The following ADGRL3 variants were observed in gnomAD, a reference collection of about 807,000 sequenced individuals.
The protein encoded by ADGRL3 is adhesion G protein-coupled receptor L3, also known as calcium-independent alpha-latrotoxin receptor 3.
In ADGRL3, 62 loss-of-function variants were observed where a neutral mutation model predicts 153.5. That is an observed-to-expected ratio of 0.40 (90% CI 0.33 to 0.50). ADGRL3 has a LOEUF of 0.50. Ranked by LOEUF, ADGRL3 falls within the 20% of genes least tolerant of loss-of-function variation. ADGRL3 has a pLI of 0.47. For synonymous variants in ADGRL3, 710 were observed against 672.5 expected, an observed-to-expected ratio of 1.06 and a Z score of -0.86; for missense variants, 1,641 against 1,859.4, an observed-to-expected ratio of 0.88 and a Z score of 2.16.
At chr4:61,313,239 T>C (rs1470088815) in intron 1 of ADGRL3, among the ~76,000 whole-genome samples, 6 of 152,086 alleles carry the variant, frequency 3.9e-5, no homozygotes, top group Non-Finnish European at 8.8e-5. Context: ...CAGAGGATCA[T>C]GGGGAGATGA....
intron 11 of ADGRL3, among the ~76,000 whole-genome samples, chr4:61,903,985 T>C (rs2098681058): frequency 6.6e-6 from 1 of 151,642 alleles, no homozygotes; most frequent in African/African-American, 2.4e-5. Flanking sequence ...CCCAGGCTGG[T>C]CTCCAGCTCC....
In ADGRL3 at chr4:61,334,876, T is replaced by C. The variant is rs1371570456; in HGVS notation, c.-239-48248T>C. Among the ~76,000 whole-genome samples the C allele has an allele frequency of 3.3e-5, 5 of 152,106 alleles. No individual in the cohort carries two copies. In the South Asian group the frequency reaches 6.2e-4, roughly 19 times the overall value. On this transcript the variant is annotated intron_variant, in intron 1 of 26. Coordinates refer to ENST00000683033, the MANE Select transcript of ADGRL3 (RefSeq NM_001387552.1). ...AGATCTGTCATCCTAATAGGTTAAA[T>C]AGGGATAAAATCTAGACTTCAGTTG...
At chr4:61,490,048 T>G (rs1239348024) in intron 2 of ADGRL3, among the ~76,000 whole-genome samples, 1 of 152,152 alleles carries the variant, frequency 6.6e-6, no homozygotes, top group African/African-American at 2.4e-5. Context: ...TCCTCACTTC[T>G]TCCTGAGAAA....
chr4:61,342,656 G>A (rs1313749232), intron 1 of ADGRL3, among the ~76,000 whole-genome samples: 1 of 152,050 alleles, frequency 6.6e-6, no homozygotes, highest in African/African-American at 2.4e-5. Context: ...TATTGCTGAT[G>A]TGACTGATCT....
At chr4:61,478,514 T>C (rs1046901165) in intron 2 of ADGRL3, among the ~76,000 whole-genome samples, 88 of 152,064 alleles carry the variant, frequency 5.8e-4, no homozygotes, top group African/African-American at 2.1e-3. Context: ...CTCCATTAGA[T>C]TAACTGTTTT....
rs72638549 is a variant in ADGRL3 at position 61,702,172 on chromosome 4, C to T, written c.583+25237C>T. ...CTGTCAAATTTCGTTCTGCTAAATA[C>T]TCCAGTTCCTTTTTTCATGCTTTCT... On this transcript the variant is annotated intron_variant, in intron 6 of 26. Coordinates refer to ENST00000683033, the MANE Select transcript of ADGRL3 (RefSeq NM_001387552.1). 2.4e-3 allele frequency among the ~76,000 whole-genome samples: 369 copies of T among 152,238 alleles called. 2 individuals carry two copies. Among genetic ancestry groups the T allele is most frequent in the Admixed American group, 4.7e-3 (72 of 15,280 alleles).
chr4:61,998,135 C>A (rs751916169), intron 20 of ADGRL3, 39 bp from the exon 21 acceptor site: 3 of 1,164,470 alleles, frequency 2.6e-6, no homozygotes, highest in African/African-American at 1.6e-5. Flanking sequence ...TTTGTTCCTA[C>A]TCCAATTATG....
intron 1 of ADGRL3, among the ~76,000 whole-genome samples, chr4:61,219,994 G>C (rs921524281): frequency 2.0e-5 from 3 of 152,100 alleles, no homozygotes; most frequent in Admixed American, 6.5e-5. Context: ...TGTAACCACA[G>C]CCACTCGGGA....
chr4:61,769,227 A>C (rs939200630), intron 8 of ADGRL3, among the ~76,000 whole-genome samples: 2 of 152,082 alleles, frequency 1.3e-5, no homozygotes, highest in Non-Finnish European at 2.9e-5. Flanking sequence ...CTGGCGCCGG[A>C]GTTTTGGGTT....
At chr4:61,566,603 A>C (rs2098817306) in intron 4 of ADGRL3, among the ~76,000 whole-genome samples, 1 of 152,116 alleles carries the variant, frequency 6.6e-6, no homozygotes, top group South Asian at 2.1e-4. Context: ...GGAGACTAAC[A>C]AAATTAATTT....
chr4:61,467,518 G>A (rs1358939864), intron 2 of ADGRL3, among the ~76,000 whole-genome samples: 1 of 151,660 alleles, frequency 6.6e-6, no homozygotes, highest in Non-Finnish European at 1.5e-5. Context: ...TGAAGGGAGG[G>A]AGGGAGAGAA....
chr4:62,059,327 T>G (rs182321986), intron 25 of ADGRL3, among the ~76,000 whole-genome samples: 1 of 152,252 alleles, frequency 6.6e-6, no homozygotes, highest in Admixed American at 6.5e-5. Flanking sequence ...TGCAAAACAC[T>G]AATCATCAAA....
In ADGRL3 at chr4:61,909,648, C is replaced by G; in HGVS notation, c.1976C>G (p.Ser659Cys). 6 of 1,612,152 alleles carry G rather than the reference C, an allele frequency of 3.7e-6. No homozygotes were observed. The highest frequency in any genetic ancestry group is 5.1e-6 in the Non-Finnish European group (6 of 1,179,136). ...NHLNAGDITY[S>C]VRAMDQLVGL... Reference sequence around the variant, plus strand: ...TTGAATGCTGGGGACATCACCTACTCTGTCCGGGCCATGGACCAGCTGGTA... The same window carrying G: ...TTGAATGCTGGGGACATCACCTACTGTGTCCGGGCCATGGACCAGCTGGTA... The change falls in exon 12 of 27, where the codon TCT (serine) becomes TGT (cysteine). Residue 659 changes from serine (S) to cysteine (C), a missense_variant. Coordinates refer to ENST00000683033, the MANE Select transcript of ADGRL3 (RefSeq NM_001387552.1).
intron 2 of ADGRL3, among the ~76,000 whole-genome samples, chr4:61,484,735 G>A (rs951288035): frequency 1.3e-5 from 2 of 151,838 alleles, no homozygotes; most frequent in East Asian, 1.9e-4. Context: ...TCAATAATTA[G>A]GTATAATTAT....
chr4:61,423,996 A>G (rs1266645448), intron 2 of ADGRL3, among the ~76,000 whole-genome samples: 2 of 152,160 alleles, frequency 1.3e-5, no homozygotes, highest in Non-Finnish European at 2.9e-5. Context: ...GAAACCTACA[A>G]AAATAGGACA....
intron 25 of ADGRL3, among the ~76,000 whole-genome samples, chr4:62,067,566 G>T (rs890956139): frequency 6.6e-6 from 1 of 151,620 alleles, no homozygotes; most frequent in African/African-American, 2.4e-5. Flanking sequence ...TGACAATATT[G>T]CTCAGTTTTT....
chr4:62,056,931 T>A (rs1441999599), intron 25 of ADGRL3, among the ~76,000 whole-genome samples: 1 of 152,068 alleles, frequency 6.6e-6, no homozygotes, highest in Non-Finnish European at 1.5e-5. Flanking sequence ...TATTGATGAA[T>A]GGTTGTATTC....
intron 8 of ADGRL3, among the ~76,000 whole-genome samples, chr4:61,737,392 C>T (rs1300567948): frequency 1.3e-5 from 2 of 152,094 alleles, no homozygotes; most frequent in Non-Finnish European, 2.9e-5. Context: ...ATATACTTCT[C>T]TTGGGTATAT....
intron 8 of ADGRL3, among the ~76,000 whole-genome samples, chr4:61,759,438 A>T (rs193273811): frequency 3.2e-4 from 48 of 152,130 alleles, no homozygotes; most frequent in East Asian, 9.7e-4. Flanking sequence ...TCCATCACTG[A>T]TACGCTTTCT....
Sources: gnomAD v4.1 joint callset for allele counts (sites outside exome capture counted in the v4.1 genomes callset) on GRCh38, gnomAD v4.1.1 for gene constraint, MANE v1.5 for transcripts, NCBI Gene and HGNC (gene_info 2026-07-23, HGNC 2026-07-21) for gene names.